NFX1: variants seen among roughly 807,000 people sequenced by gnomAD.
NFX1 encodes transcriptional repressor NF-X1.
NFX1 carries 69 observed loss-of-function variants against 137.2 expected under a neutral mutation model. That is an observed-to-expected ratio of 0.50 (90% CI 0.41 to 0.61). The LOEUF is 0.61. Among genes scored for constraint, NFX1 ranks in the 20% least tolerant of loss-of-function variants. NFX1 has a pLI of 0.00. For missense variants in NFX1, 1,167 were observed against 1,391.0 expected, an observed-to-expected ratio of 0.84 and a Z score of 2.56; for synonymous variants, 495 against 474.1, an observed-to-expected ratio of 1.04 and a Z score of -0.57.
At chr9:33,321,167 G>A (rs1267117408) in intron 9 of NFX1, among the ~76,000 whole-genome samples, 1 of 152,184 alleles carries the variant, frequency 6.6e-6, no homozygotes, top group Non-Finnish European at 1.5e-5. Context: ...GGTGATGAGA[G>A]AAGAAGGAAA....
intron 3 of NFX1, among the ~76,000 whole-genome samples, chr9:33,302,486 C>G (rs924904139): frequency 2.0e-5 from 3 of 150,468 alleles, no homozygotes; most frequent in Admixed American, 6.7e-5. Context: ...CTCAGACTCC[C>G]AAGCAGCTGA....
At chr9:33,344,426 C>T (rs1445531654) in intron 14 of NFX1, among the ~76,000 whole-genome samples, 1 of 152,230 alleles carries the variant, frequency 6.6e-6, no homozygotes, top group African/African-American at 2.4e-5. Flanking sequence ...GAAGACTCCC[C>T]AGCTGATCTT....
At chr9:33,329,188 C>T (rs1822707876) in intron 10 of NFX1, among the ~76,000 whole-genome samples, 2 of 152,202 alleles carry the variant, frequency 1.3e-5, no homozygotes, top group South Asian at 4.1e-4. Context: ...CTTCATTTGT[C>T]CTTTCCCTGT....
At chr9:33,303,917 C>T (rs1564105265) in intron 4 of NFX1, among the ~76,000 whole-genome samples, 2 of 152,070 alleles carry the variant, frequency 1.3e-5, no homozygotes. Context: ...CTGTCTCCCT[C>T]CCTGAAGCAT....
At chr9:33,363,517 C>T (rs1027730906) in intron 19 of NFX1, among the ~76,000 whole-genome samples, 1 of 152,054 alleles carries the variant, frequency 6.6e-6, no homozygotes, top group Non-Finnish European at 1.5e-5. Context: ...CTCCTGGCCT[C>T]AAGTGATCCA....
At chr9:33,360,528 T>A (rs1212835348) in intron 19 of NFX1, among the ~76,000 whole-genome samples, 1 of 152,176 alleles carries the variant, frequency 6.6e-6, no homozygotes, top group Non-Finnish European at 1.5e-5. Flanking sequence ...TAATGACCCT[T>A]ACTGGATAGA....
chr9:33,332,885 T>C (rs1204533210), intron 11 of NFX1, among the ~76,000 whole-genome samples: 3 of 152,238 alleles, frequency 2.0e-5, no homozygotes, highest in African/African-American at 7.2e-5. Context: ...TCGCTCTGTT[T>C]CGCAGGCCAG....
rs145038884 is a variant in NFX1, at chr9:33,369,967, G to T, written c.3352G>T (p.Val1118Phe). ...GGAGCCAATAATTGACTATTTTGAC[G>T]TCCAGGACTAAGAAGATCATGATGC... ...TKEPIIDYFD[V>F]QD The change falls in exon 24 of 24, where the codon GTC becomes TTC. Residue 1118 changes from valine (V) to phenylalanine (F), a missense_variant. Transcript: ENST00000379540. 7 of 1,611,828 alleles carry T rather than the reference G, an allele frequency of 4.3e-6. No homozygotes were observed. Among genetic ancestry groups the T allele is most frequent in the Non-Finnish European group, 5.9e-6 (7 of 1,178,112 alleles).
rs572187798 is a variant in NFX1, at chr9:33,301,494, T to C, written c.1192+73T>C. The C allele has an allele frequency of 1.1e-3, 1,574 of 1,483,420 alleles. 2 individuals are homozygous for C. Among genetic ancestry groups the C allele is most frequent in the Non-Finnish European group, 1.4e-3 (1,498 of 1,102,968 alleles). The allele number at this position is 1,483,420 out of a possible 1,614,324, so 91.9% of individuals were successfully genotyped here. On this transcript the variant is annotated intron_variant, in intron 3 of 23. Transcript: ENST00000379540. ...GTTTAAGTATTATTAAGCCCAGCTT[T>C]AAAAATACAGTTTAATTTCTCTTAA...
At position 33,294,528 on chromosome 9, in the gene NFX1, G is replaced by C. The variant is rs773005352; in HGVS notation, c.134G>C (p.Arg45Thr). Residue 45 changes from arginine (R) to threonine (T), a missense_variant, in exon 2 of 24, where the codon AGA becomes ACA. Arg to Thr is a moderately conservative substitution (Grantham distance 71). Around this residue, in one of 3 missense-constraint regions of NFX1, gnomAD observed 367 missense variants for 386.7 expected, o/e 0.95. Coordinates refer to ENST00000379540, the MANE Select transcript of NFX1 (RefSeq NM_002504.6). ...AGACTAGACTCTAATAGGATTGGTAGAAGAAATTACAGTTCACCACCTCCC... is the reference window on the plus strand; with the variant it reads ...AGACTAGACTCTAATAGGATTGGTACAAGAAATTACAGTTCACCACCTCCC... The part of the protein sequence containing the change: ...QRRLDSNRIG[R>T]RNYSSPPPCH... 6 of 1,614,058 alleles carry C rather than the reference G, an allele frequency of 3.7e-6. No homozygotes were observed. In the East Asian group the frequency reaches 1.3e-4, roughly 36 times the overall value.
intron 11 of NFX1, among the ~76,000 whole-genome samples, chr9:33,337,942 G>A (rs1003897896): frequency 3.9e-5 from 6 of 152,100 alleles, no homozygotes; most frequent in African/African-American, 9.6e-5. Context: ...CCAGCTACTC[G>A]GGAGGCTGAG....
In NFX1 at chr9:33,354,122, C is replaced by T; in HGVS notation, c.2766C>T (p.Asp922=). Residue 922 remains aspartate (D), a synonymous_variant, in exon 18 of 24, where the codon GAC becomes GAT. Coordinates refer to ENST00000379540, the MANE Select transcript of NFX1 (RefSeq NM_002504.6). ...TCTCCATGGCCTCTAAGATAACAGA[C>T]ATGCAGCTTGGAGGTTCAGTGGAGA... ...AAISMASKIT[D]MQLGGSVEIS... 1 of 1,613,158 alleles carries T rather than the reference C, an allele frequency of 6.2e-7. No individual in the cohort carries two copies. The highest frequency in any genetic ancestry group is 1.1e-5 in the South Asian group (1 of 90,864).
At chr9:33,327,633 G>T (rs1822644436) in intron 9 of NFX1, among the ~76,000 whole-genome samples, 1 of 152,200 alleles carries the variant, frequency 6.6e-6, no homozygotes, top group Non-Finnish European at 1.5e-5. Context: ...CCAAAGTGCT[G>T]GGATTACAGG....
chr9:33,367,511 T>C lies in NFX1; in HGVS notation c.3186-4T>C. The stretch of plus-strand genomic sequence containing the variant: ...TCAATGCTTGGTGTTTTGACTTTTA[T>C]CAGGGGGAAGTCCGTTTGTCCTCCT... On this transcript the variant is annotated splice_region_variant and splice_polypyrimidine_tract_variant and intron_variant, in intron 22 of 23. Coordinates refer to ENST00000379540, the MANE Select transcript of NFX1 (RefSeq NM_002504.6). 6.2e-7 allele frequency: 1 copy of C among 1,613,612 alleles called. No individual in the cohort carries two copies. Among genetic ancestry groups the C allele is most frequent in the Non-Finnish European group, 8.5e-7 (1 of 1,179,658 alleles).
At chr9:33,341,635 A>G (rs887464453) in intron 12 of NFX1, among the ~76,000 whole-genome samples, 23 of 152,212 alleles carry the variant, frequency 1.5e-4, no homozygotes, top group African/African-American at 5.5e-4. Flanking sequence ...TCCTCTTATT[A>G]TAAAAAAATT....
chr9:33,291,535 G>A (rs1015122076), intron 1 of NFX1, among the ~76,000 whole-genome samples: 1 of 152,190 alleles, frequency 6.6e-6, no homozygotes, highest in Non-Finnish European at 1.5e-5. Flanking sequence ...CCAGCCGTTG[G>A]GGCACCAAGA....
At chr9:33,355,148 T>C (rs1028467306) in intron 19 of NFX1, among the ~76,000 whole-genome samples, 2 of 152,214 alleles carry the variant, frequency 1.3e-5, no homozygotes. Flanking sequence ...AGCATACTTA[T>C]TCAGGGACTG....
Position 33,370,248 on chromosome 9 carries a change from T to C in NFX1, c.*270T>C, listed in dbSNP as rs1045267484. On this transcript the variant is annotated 3_prime_UTR_variant, in exon 24 of 24. Coordinates refer to ENST00000379540, the MANE Select transcript of NFX1 (RefSeq NM_002504.6). ...AGGCTCTTTACACCATCACTGTGAT[T>C]GCTCTGAGAGTTGAGGGACTATTGG... 39 of 313,202 alleles carry C rather than the reference T, an allele frequency of 1.2e-4. No homozygotes were observed. In the East Asian group the frequency reaches 2.2e-3, roughly 18 times the overall value. The allele number at this position is 313,202 out of a possible 1,614,324, so 19.4% of individuals were successfully genotyped here.
chr9:33,314,694 T>C (rs995170500), intron 7 of NFX1, among the ~76,000 whole-genome samples: 3 of 151,828 alleles, frequency 2.0e-5, no homozygotes, highest in Non-Finnish European at 4.4e-5. Flanking sequence ...AATAATAAAA[T>C]GAACATATGT....
Sources: allele counts gnomAD v4.1 joint callset (sites outside exome capture counted in the v4.1 genomes callset), GRCh38; gene constraint gnomAD v4.1.1; regional missense constraint gnomAD v4.1.1; transcripts MANE v1.5; gene names NCBI Gene and HGNC (gene_info 2026-07-23, HGNC 2026-07-21).